OTUB1: variants seen among roughly 807,000 people sequenced by gnomAD.
OTUB1 encodes the protein OTU deubiquitinase, ubiquitin aldehyde binding 1, also known as ubiquitin thioesterase OTUB1.
A neutral mutation model predicts 35.8 loss-of-function variants in OTUB1; 10 were observed. That is an observed-to-expected ratio of 0.28 (90% CI 0.17 to 0.47). The LOEUF (loss-of-function observed/expected upper bound fraction) is 0.47. OTUB1 is among the 20% of genes least tolerant of loss of function. The pLI, the probability that OTUB1 is intolerant of heterozygous loss-of-function variation, is 0.99. For synonymous variants in OTUB1, 158 were observed against 143.8 expected, an observed-to-expected ratio of 1.10 and a Z score of -0.71; for missense variants, 264 against 351.6, an observed-to-expected ratio of 0.75 and a Z score of 1.99.
intron 3 of OTUB1, among the ~76,000 whole-genome samples, chr11:63,993,029 G>A (rs989520976): frequency 4.6e-5 from 7 of 152,246 alleles, no homozygotes; most frequent in African/African-American, 1.4e-4. Context: ...AACTCCAGAG[G>A]GTGAAGGGGA....
chr11:63,988,586 A>T, intron 2 of OTUB1, 68 bp from the exon 3 acceptor site: 1 of 1,340,628 alleles, frequency 7.5e-7, no homozygotes, highest in Non-Finnish European at 1.1e-6. Context: ...TTTTGTAGTT[A>T]TTCTGTCTGT....
intron 1 of OTUB1, among the ~76,000 whole-genome samples, chr11:63,987,628 G>A (rs1360398420): frequency 6.6e-6 from 1 of 152,216 alleles, no homozygotes; most frequent in Non-Finnish European, 1.5e-5. Context: ...TTTGACCGCA[G>A]GTCTTTTGCT....
At chr11:63,986,566 G>C in intron 1 of OTUB1, 52 bp downstream of exon 1, 2 of 1,481,522 alleles carry the variant, frequency 1.3e-6, no homozygotes, top group Non-Finnish European at 9.1e-7. Flanking sequence ...GCGATGCCGG[G>C]CCAGCTGCTC....
At chr11:63,994,858 G>T (rs77459372) in intron 3 of OTUB1, among the ~76,000 whole-genome samples, 1 of 152,198 alleles carries the variant, frequency 6.6e-6, no homozygotes, top group African/African-American at 2.4e-5. Flanking sequence ...GAGGCAGCAC[G>T]GACAGCTTCA....
rs557975589 is a variant in OTUB1, at chr11:63,998,402, C to T, written c.*856C>T. Reference sequence around the variant, plus strand: ...GGGGCAGGCCCTCAATAAATGTGAACTGCTGCTGCCGCCTCTGCCGTCCGC... The same window carrying T: ...GGGGCAGGCCCTCAATAAATGTGAATTGCTGCTGCCGCCTCTGCCGTCCGC... On this transcript the variant is annotated 3_prime_UTR_variant, in exon 7 of 7. Coordinates refer to ENST00000538426, the MANE Select transcript of OTUB1 (RefSeq NM_017670.3). 3 of 178,580 alleles carry T rather than the reference C, an allele frequency of 1.7e-5. No individual in the cohort carries two copies. In the East Asian group the frequency reaches 4.7e-4, roughly 28 times the overall value. 11.1% of individuals were successfully genotyped at this position (178,580 alleles called of 1,614,324 possible).
intron 1 of OTUB1, among the ~76,000 whole-genome samples, chr11:63,987,273 G>T (rs1202480886): frequency 6.6e-6 from 1 of 152,182 alleles, no homozygotes; most frequent in East Asian, 1.9e-4. Flanking sequence ...GCCCCAAAAG[G>T]GTTGACCTTT....
chr11:63,990,994 C>A (rs2134307216), intron 3 of OTUB1, among the ~76,000 whole-genome samples: 1 of 152,332 alleles, frequency 6.6e-6, no homozygotes, highest in East Asian at 1.9e-4. Flanking sequence ...CACCTGCAGG[C>A]CAGATCCAGC....
chr11:63,998,278 C>T lies in OTUB1; in HGVS notation c.*732C>T, dbSNP rs535214863. The T allele has an allele frequency of 1.5e-4, 28 of 181,036 alleles. No homozygotes were observed. The highest frequency in any genetic ancestry group is 5.9e-4 in the African/African-American group (25 of 42,158). The allele number at this position is 181,036 out of a possible 1,614,324, so 11.2% of individuals were successfully genotyped here. A position where few individuals can be genotyped will look rare whatever the true frequency, so the allele number is the denominator to read the frequency against. On this transcript the variant is annotated 3_prime_UTR_variant, in exon 7 of 7. Coordinates refer to ENST00000538426, the MANE Select transcript of OTUB1 (RefSeq NM_017670.3). ...CTGCCTTGCACCCCCTCTGCTTGGG[C>T]CACGGTGTCTCTGCATTGCCTGCCT...
intron 3 of OTUB1, among the ~76,000 whole-genome samples, chr11:63,992,632 C>T (rs1942683202): frequency 6.6e-6 from 1 of 152,178 alleles, no homozygotes. Flanking sequence ...CTCACTGCAA[C>T]CTCCACCTCC....
rs1565187243 is a variant in OTUB1 at position 63,997,745 on chromosome 11, C to CT, written c.*200dup. 2 of 703,698 alleles carry CT rather than the reference C, an allele frequency of 2.8e-6. No individual in the cohort carries two copies. Among genetic ancestry groups the CT allele is most frequent in the Non-Finnish European group, 2.6e-6 (1 of 386,792 alleles). 43.6% of individuals were successfully genotyped at this position (703,698 alleles called of 1,614,324 possible). ...CTGCTCTGCTGCCCGCCTGGCTGCT[C>CT]TGTCTGCTGCCCCCTCCCCCCAGGT... is the stretch of plus-strand genomic sequence containing the variant. On this transcript the variant is annotated 3_prime_UTR_variant, in exon 7 of 7. Transcript: ENST00000538426.
intron 3 of OTUB1, chr11:63,990,594 A>AAAAAAAAAAAAT (rs1942663292): frequency 1.4e-5 from 2 of 139,242 alleles, no homozygotes; most frequent in South Asian, 4.6e-4. Flanking sequence ...TTAAAAAAAT[A>AAAAAAAAAAAAT]AAAAAATAAA....
chr11:63,997,303 G>T (rs1942730987), intron 6 of OTUB1, 46 bp from the exon 7 acceptor site: 20 of 1,611,916 alleles, frequency 1.2e-5, no homozygotes, highest in Non-Finnish European at 1.7e-5. Context: ...CACAGGGCCT[G>T]GGGCGGGGTG....
Position 63,997,465 on chromosome 11 carries a change from T to C in OTUB1, c.735T>C (p.Asn245=). 1 of 1,614,128 alleles carries C rather than the reference T, an allele frequency of 6.2e-7. No individual in the cohort carries two copies. Among genetic ancestry groups the C allele is most frequent in the Non-Finnish European group, 8.5e-7 (1 of 1,180,018 alleles). Residue 245 remains asparagine, a synonymous_variant, in exon 7 of 7, where the codon AAT becomes AAC. Coordinates refer to ENST00000538426, the MANE Select transcript of OTUB1 (RefSeq NM_017670.3). Reference sequence around the variant, plus strand: ...ACCGCGGCGAGGGCGGCACCACCAATCCGCACATCTTCCCTGAGGGCTCCG... The same window carrying C: ...ACCGCGGCGAGGGCGGCACCACCAACCCGCACATCTTCCCTGAGGGCTCCG... ...YMDRGEGGTT[N]PHIFPEGSEP...
In OTUB1 at chr11:63,996,503, C is replaced by A. The variant is rs889785465; in HGVS notation, c.220-27C>A. On this transcript the variant is annotated intron_variant, in intron 3 of 6. Coordinates refer to ENST00000538426, the MANE Select transcript of OTUB1 (RefSeq NM_017670.3). ...AGCCCCCGTTCTGGCCTGATGTTAA[C>A]CTGTCGGGGTGGGGCTGTCTCCGCA... 7 of 1,612,500 alleles carry A rather than the reference C, an allele frequency of 4.3e-6. No individual in the cohort carries two copies. In the Admixed American group the frequency reaches 5.0e-5, roughly 12 times the overall value.
intron 1 of OTUB1, chr11:63,986,806 C>G (rs1397226958): frequency 5.1e-6 from 2 of 394,430 alleles, no homozygotes; most frequent in East Asian, 4.1e-5. Flanking sequence ...CCCCTCGGCT[C>G]CTGGCTCCAG....
chr11:63,989,614 C>G (rs552563037), intron 3 of OTUB1: 5 of 150,370 alleles, frequency 3.3e-5, no homozygotes, highest in African/African-American at 9.8e-5. Context: ...GTAGTTCCAG[C>G]TATTGGGAAG....
chr11:63,995,146 G>A (rs1031509772), intron 3 of OTUB1, among the ~76,000 whole-genome samples: 4 of 151,968 alleles, frequency 2.6e-5, no homozygotes, highest in Admixed American at 6.6e-5. Context: ...ACAGTCCTCC[G>A]ACCTCAGCCT....
At chr11:63,993,605 A>C (rs1942692138) in intron 3 of OTUB1, among the ~76,000 whole-genome samples, 1 of 151,222 alleles carries the variant, frequency 6.6e-6, no homozygotes, top group African/African-American at 2.4e-5. Flanking sequence ...CGGAGGTTGC[A>C]GTGAACCGAG....
At chr11:63,995,932 G>A (rs529999664) in intron 3 of OTUB1, among the ~76,000 whole-genome samples, 22 of 152,176 alleles carry the variant, frequency 1.4e-4, no homozygotes, top group African/African-American at 5.3e-4. Context: ...GTTTGAACCC[G>A]GGAGGTGTAG....
Sources: gnomAD v4.1 joint callset for allele counts (sites outside exome capture counted in the v4.1 genomes callset) on GRCh38, gnomAD v4.1.1 for gene constraint, MANE v1.5 for transcripts, NCBI Gene and HGNC (gene_info 2026-07-23, HGNC 2026-07-21) for gene names.